Variants in UBXN7 observed in about 807,000 individuals in gnomAD.
UBXN7 encodes the protein UBX domain-containing protein 7.
UBXN7 carries 9 observed loss-of-function variants against 58.0 expected under a neutral mutation model. The ratio of observed to expected loss-of-function variants is 0.16; its 90% CI spans 0.09 to 0.27. The LOEUF is 0.27. UBXN7 is among the 10% of genes least tolerant of loss of function. UBXN7 has a pLI of 1.00. For missense variants in UBXN7, 328 were observed against 599.6 expected (o/e 0.55, Z 4.73); for synonymous variants, 208 against 205.0 (o/e 1.01, Z -0.12).
At chr3:196,419,786 T>C (rs1168709713) in intron 1 of UBXN7, among the ~76,000 whole-genome samples, 2 of 152,208 alleles carry the variant, frequency 1.3e-5, no homozygotes, top group Non-Finnish European at 2.9e-5. Flanking sequence ...CGAACCTTCA[T>C]TTCAGACTTC....
chr3:196,393,862 A>G, intron 3 of UBXN7: 1 of 277,076 alleles, frequency 3.6e-6, no homozygotes, highest in Non-Finnish European at 7.0e-6. Flanking sequence ...CCTTCCCTCA[A>G]AAAATAAAAA....
At chr3:196,375,182 ACC>A (rs1491277258) in intron 5 of UBXN7, among the ~76,000 whole-genome samples, 2 of 100,142 alleles carry the variant, frequency 2.0e-5, no homozygotes, top group African/African-American at 3.9e-5. Context: ...AGGTGCTCTT[ACC>A]ACACACACAC....
At chr3:196,390,082 G>A (rs1729529815) in intron 5 of UBXN7, among the ~76,000 whole-genome samples, 2 of 152,026 alleles carry the variant, frequency 1.3e-5, no homozygotes. Flanking sequence ...GGCCAGGTGT[G>A]GTAGTGGGTG....
intron 5 of UBXN7, among the ~76,000 whole-genome samples, chr3:196,378,687 C>A (rs1729106265): frequency 6.6e-6 from 1 of 152,242 alleles, no homozygotes; most frequent in Non-Finnish European, 1.5e-5. Context: ...ACTGCCACTG[C>A]ACTGGTGGGA....
chr3:196,376,413 G>T (rs1729022149), intron 5 of UBXN7, among the ~76,000 whole-genome samples: 1 of 151,696 alleles, frequency 6.6e-6, no homozygotes. Flanking sequence ...AGGCGTGGTG[G>T]TGTGTACCTA....
At chr3:196,387,276 C>T (rs1729434653) in intron 5 of UBXN7, among the ~76,000 whole-genome samples, 2 of 152,132 alleles carry the variant, frequency 1.3e-5, no homozygotes, top group South Asian at 2.1e-4. Context: ...ACACCTTATA[C>T]AAAAATTAAT....
chr3:196,356,947 C>T (rs964457870), intron 10 of UBXN7, 101 bp from the exon 11 acceptor site: 8 of 1,401,918 alleles, frequency 5.7e-6, no homozygotes, highest in Non-Finnish European at 7.6e-6. Flanking sequence ...CATATTAGAT[C>T]AGCTATTAAA....
Position 196,401,823 on chromosome 3 carries a change from G to GAGAAGAGAAGAGAAGAGA in UBXN7, c.289+1128_289+1129insTCTCTTCTCTTCTCTTCT, listed in dbSNP as rs145395839. Among the ~76,000 whole-genome samples, 248 of 120,332 alleles carry GAGAAGAGAAGAGAAGAGA rather than the reference G, an allele frequency of 2.1e-3. 2 individuals are homozygous for GAGAAGAGAAGAGAAGAGA. The highest frequency in any genetic ancestry group is 7.4e-3 in the African/African-American group (239 of 32,128). The allele number at this position is 120,332 out of a possible 152,430, so 78.9% of individuals were successfully genotyped here. On this transcript the variant is annotated intron_variant, in intron 3 of 10. Coordinates refer to ENST00000296328, the MANE Select transcript of UBXN7 (RefSeq NM_015562.2). ...AGGAAAGAAAGAAAAGAAAAGAGAA[G>GAGAAGAGAAGAGAAGAGA]AGAGAAGAGAAGAGAAGAGAAGAGA...
Position 196,391,812 on chromosome 3 carries a change from C to T in UBXN7, c.468+1G>A. 1 of 1,598,902 alleles carries T rather than the reference C, an allele frequency of 6.3e-7. No individual in the cohort carries two copies. The highest frequency in any genetic ancestry group is 8.5e-7 in the Non-Finnish European group (1 of 1,174,664). On this transcript the variant is annotated splice_donor_variant, in intron 5 of 10. Transcript: ENST00000296328. LOFTEE classifies it high-confidence loss of function. The stretch of plus-strand genomic sequence containing the variant: ...AAGGCACTGACTCTCCAACAACTTA[C>T]TGTTTCAAAGCTGCCTTTATGCATC...
At chr3:196,415,442 G>A (rs147787601) in intron 1 of UBXN7, among the ~76,000 whole-genome samples, 250 of 142,290 alleles carry the variant, frequency 1.8e-3, no homozygotes, top group Middle Eastern at 7.1e-3. Context: ...GTGAGCCACC[G>A]CACCCAGCCA....
intron 3 of UBXN7, among the ~76,000 whole-genome samples, chr3:196,394,530 G>T (rs1169753199): frequency 6.6e-6 from 1 of 150,608 alleles, no homozygotes; most frequent in South Asian, 2.1e-4. Flanking sequence ...TTGAACCTGG[G>T]AGGTGGAGGT....
rs570356355 is a variant in UBXN7, at chr3:196,349,662, G to A, written c.*7023C>T. The A allele has an allele frequency of 3.9e-5, 6 of 152,200 alleles. No homozygotes were observed. The highest frequency in any genetic ancestry group is 9.6e-5 in the African/African-American group (4 of 41,532). 9.4% of individuals were successfully genotyped at this position (152,200 alleles called of 1,614,324 possible). On this transcript the variant is annotated 3_prime_UTR_variant, in exon 11 of 11. Transcript: ENST00000296328. ...AGAAAAAAGGAGAATGGCAGGGAAC[G>A]GTTCCAGATCAAGAATCTCTCCCTT...
intron 5 of UBXN7, among the ~76,000 whole-genome samples, chr3:196,378,853 T>C (rs1049879093): frequency 1.9e-4 from 28 of 147,438 alleles, no homozygotes; most frequent in African/African-American, 7.0e-4. Flanking sequence ...ATGTTGGTTT[T>C]GGGGGATTTT....
At chr3:196,428,823 C>CA (rs541675983) in intron 1 of UBXN7, among the ~76,000 whole-genome samples, 19,020 of 98,408 alleles carry the variant, frequency 0.19, 1,511 homozygotes, top group South Asian at 0.25. Context: ...CAGTCCGTCT[C>CA]AAAAAAAAAA....
intron 5 of UBXN7, among the ~76,000 whole-genome samples, chr3:196,383,613 T>G (rs1434085246): frequency 6.6e-6 from 1 of 152,170 alleles, no homozygotes; most frequent in Non-Finnish European, 1.5e-5. Flanking sequence ...CAGACCACAG[T>G]GCAATCAAAT....
intron 1 of UBXN7, chr3:196,414,707 CT>C (rs1250681834): frequency 1.3e-5 from 2 of 152,192 alleles, no homozygotes; most frequent in Non-Finnish European, 2.9e-5. Flanking sequence ...CAAATATATA[CT>C]TTTCCATTGA....
intron 1 of UBXN7, among the ~76,000 whole-genome samples, chr3:196,417,644 T>C (rs1730538453): frequency 2.9e-5 from 4 of 139,620 alleles, no homozygotes; most frequent in Non-Finnish European, 6.0e-5. Context: ...TGGCTCACAC[T>C]GTAATCCCAA....
rs540965508 is a variant in UBXN7 at position 196,405,565 on chromosome 3, T to C, written c.221+1681A>G. 8.6e-5 allele frequency among the ~76,000 whole-genome samples: 13 copies of C among 151,828 alleles called. No homozygotes were observed. In the South Asian group the frequency reaches 2.1e-3, roughly 24 times the overall value. The stretch of plus-strand genomic sequence containing the variant: ...TATTGTTATACCTCGCTTTACAGTG[T>C]GTGTGTGTGTGTGTATATATATATA... On this transcript the variant is annotated intron_variant, in intron 2 of 10. Transcript: ENST00000296328.
intron 3 of UBXN7, among the ~76,000 whole-genome samples, chr3:196,394,676 T>C (rs886171957): frequency 1.3e-5 from 2 of 152,116 alleles, no homozygotes; most frequent in African/African-American, 4.8e-5. Context: ...TTGAGGATGA[T>C]GCCACGTAGA....
Sources: gnomAD v4.1 joint callset for allele counts (sites outside exome capture counted in the v4.1 genomes callset) on GRCh38, gnomAD v4.1.1 for gene constraint, MANE v1.5 for transcripts, NCBI Gene and HGNC (gene_info 2026-07-23, HGNC 2026-07-21) for gene names.